The following CNTNAP3B variants were observed in gnomAD, a reference collection of about 807,000 sequenced individuals.
The protein encoded by CNTNAP3B is contactin associated protein family member 3B, also known as contactin-associated protein-like 3B.
CNTNAP3B carries 25 observed loss-of-function variants against 108.9 expected under a neutral mutation model. The observed-to-expected ratio is 0.23, with a 90% confidence interval of 0.17 to 0.32. The LOEUF is 0.32. Among genes scored for constraint, CNTNAP3B ranks in the 10% least tolerant of loss-of-function variants. The probability of loss-of-function intolerance (pLI) is 1.00; values close to 1 mark genes in which losing one functional copy is unlikely to be tolerated. For missense variants in CNTNAP3B, 252 were observed against 1,210.4 expected, an observed-to-expected ratio of 0.21 and a Z score of 11.75; for synonymous variants, 103 against 473.4, an observed-to-expected ratio of 0.22 and a Z score of 10.16.
intron 3 of CNTNAP3B, among the ~76,000 whole-genome samples, 171 bp downstream of exon 3, chr9:42,076,698 T>G (rs1827498892): frequency 8.5e-6 from 1 of 117,124 alleles, no homozygotes; most frequent in South Asian, 2.9e-4. Flanking sequence ...ATGATTTGTA[T>G]TATTTTTTAA....
intron 1 of CNTNAP3B, among the ~76,000 whole-genome samples, chr9:42,116,214 A>G: frequency 7.3e-6 from 1 of 137,496 alleles, no homozygotes; most frequent in Middle Eastern, 3.4e-3. Flanking sequence ...GAAATATGTG[A>G]CTGTGAAAAG....
intron 11 of CNTNAP3B, among the ~76,000 whole-genome samples, chr9:41,961,688 C>A (rs1285233476): frequency 1.3e-5 from 2 of 152,288 alleles, no homozygotes; most frequent in South Asian, 4.1e-4. Flanking sequence ...ATAATTAAAG[C>A]TGATTTAAAA....
intron 3 of CNTNAP3B, among the ~76,000 whole-genome samples, chr9:42,037,395 C>T (rs1325481053): frequency 3.9e-5 from 5 of 126,998 alleles, no homozygotes; most frequent in Non-Finnish European, 8.2e-5. Context: ...AAAGATTACA[C>T]GAATGGCTAA....
chr9:41,966,763 C>T (rs1472291361), intron 10 of CNTNAP3B, among the ~76,000 whole-genome samples: 6 of 151,970 alleles, frequency 3.9e-5, no homozygotes, highest in East Asian at 3.9e-4. Flanking sequence ...GTCAGGAGAT[C>T]GAGACCATCC....
Position 42,042,208 on chromosome 9 carries a change from T to C in CNTNAP3B, c.391-28683A>G, listed in dbSNP as rs1219648856. Among the ~76,000 whole-genome samples the C allele has an allele frequency of 2.9e-5, 3 of 105,172 alleles. 1 individual carries two copies. Among genetic ancestry groups the C allele is most frequent in the African/African-American group, 1.1e-4 (3 of 27,372 alleles). 69.0% of individuals were successfully genotyped at this position (105,172 alleles called of 152,430 possible). A position where few individuals can be genotyped will look rare whatever the true frequency, so the allele number is the denominator to read the frequency against. On this transcript the variant is annotated intron_variant, in intron 3 of 23. Coordinates refer to ENST00000377561, the MANE Select transcript of CNTNAP3B (RefSeq NM_001201380.3). ...TAACAAACCTGCTACGTTGTACACATGTACCCTAGAACTTGAAGTATATAT... is the reference window on the plus strand; with the variant it reads ...TAACAAACCTGCTACGTTGTACACACGTACCCTAGAACTTGAAGTATATAT...
intron 13 of CNTNAP3B, among the ~76,000 whole-genome samples, chr9:41,947,808 A>C (rs1320763760): frequency 1.3e-5 from 2 of 152,256 alleles, no homozygotes; most frequent in Non-Finnish European, 2.9e-5. Flanking sequence ...AAGATGAGAC[A>C]AACTATGAAT....
At chr9:41,933,497 G>A (rs1824043871) in intron 14 of CNTNAP3B, among the ~76,000 whole-genome samples, 1 of 152,252 alleles carries the variant, frequency 6.6e-6, no homozygotes, top group African/African-American at 2.4e-5. Flanking sequence ...TAAAAGTACT[G>A]CAGTTATTCC....
chr9:41,967,571 G>A (rs377415085), intron 10 of CNTNAP3B, among the ~76,000 whole-genome samples: 2,076 of 151,256 alleles, frequency 0.014, no homozygotes, highest in Non-Finnish European at 0.019. Flanking sequence ...ACAAAGAAAG[G>A]CTGATAGATG....
Position 42,114,923 on chromosome 9 carries a change from G to A in CNTNAP3B, c.86-10184C>T, listed in dbSNP as rs1399619684. On this transcript the variant is annotated intron_variant, in intron 1 of 23. Transcript: ENST00000377561. ...ACAAAAATTAGCTGGGCATGGTAGC[G>A]GGAACTTGCAATCCCAGCTACTCGG... Among the ~76,000 whole-genome samples the A allele has an allele frequency of 8.1e-5, 11 of 135,138 alleles. 2 individuals carry two copies. Among genetic ancestry groups the A allele is most frequent in the African/African-American group, 1.2e-4 (4 of 33,726 alleles). 88.7% of individuals were successfully genotyped at this position (135,138 alleles called of 152,430 possible).
intron 7 of CNTNAP3B, among the ~76,000 whole-genome samples, chr9:41,995,972 G>A (rs1379299366): frequency 4.1e-5 from 6 of 144,586 alleles, no homozygotes; most frequent in East Asian, 4.1e-4. Flanking sequence ...GGAGGCGTAA[G>A]CTGCAGTAAG....
At chr9:41,941,461 T>A (rs1423801599) in intron 13 of CNTNAP3B, among the ~76,000 whole-genome samples, 2 of 150,872 alleles carry the variant, frequency 1.3e-5, no homozygotes, top group African/African-American at 2.5e-5. Flanking sequence ...CATAATGATT[T>A]AAAAAAAAAT....
At chr9:42,124,066 T>G (rs1412236402) in intron 1 of CNTNAP3B, among the ~76,000 whole-genome samples, 1 of 137,572 alleles carries the variant, frequency 7.3e-6, no homozygotes, top group Non-Finnish European at 1.5e-5. Flanking sequence ...TTCTTGGTAA[T>G]TTAATTCTTA....
At chr9:41,952,959 T>C (rs1824737207) in intron 13 of CNTNAP3B, among the ~76,000 whole-genome samples, 1 of 152,190 alleles carries the variant, frequency 6.6e-6, no homozygotes, top group Non-Finnish European at 1.5e-5. Context: ...GACAAGTCAC[T>C]AGTCCTGCAT....
intron 3 of CNTNAP3B, among the ~76,000 whole-genome samples, chr9:42,061,323 T>TC (rs755114765): frequency 2.4e-5 from 3 of 124,964 alleles, no homozygotes; most frequent in African/African-American, 9.7e-5. Flanking sequence ...TTTTCTTTTT[T>TC]TTTTTTTTTT....
At chr9:41,936,863 A>G (rs1341194205) in intron 14 of CNTNAP3B, among the ~76,000 whole-genome samples, 1 of 152,420 alleles carries the variant, frequency 6.6e-6, no homozygotes, top group Non-Finnish European at 1.5e-5. Context: ...GAAGATTAAA[A>G]ATAATATCCA....
At chr9:41,939,919 T>C (rs1380411370) in intron 13 of CNTNAP3B, among the ~76,000 whole-genome samples, 1 of 151,822 alleles carries the variant, frequency 6.6e-6, no homozygotes, top group African/African-American at 2.4e-5. Context: ...AAGAGAATTC[T>C]GAAAAGTAGA....
At position 42,108,697 on chromosome 9, in the gene CNTNAP3B, G is replaced by A. The variant is rs1381468516; in HGVS notation, c.86-3958C>T. Among the ~76,000 whole-genome samples the A allele has an allele frequency of 1.4e-4, 19 of 132,436 alleles. No homozygotes were observed. The East Asian group carries it at 4.5e-3, about 31-fold the overall frequency. 86.9% of individuals were successfully genotyped at this position (132,436 alleles called of 152,430 possible). ...TTTTTGGCTTGCTGCACTTCCTTAGGCTTGTTGATTTAGTCTCGGTGATTA... is the reference window on the plus strand; with the variant it reads ...TTTTTGGCTTGCTGCACTTCCTTAGACTTGTTGATTTAGTCTCGGTGATTA... On this transcript the variant is annotated intron_variant, in intron 1 of 23. Coordinates refer to ENST00000377561, the MANE Select transcript of CNTNAP3B (RefSeq NM_001201380.3).
intron 13 of CNTNAP3B, among the ~76,000 whole-genome samples, chr9:41,938,610 TA>T (rs1263103033): frequency 3.1e-3 from 479 of 152,122 alleles, no homozygotes; most frequent in Middle Eastern, 6.8e-3. Flanking sequence ...TATCTAGGCT[TA>T]AATGATTCCA....
At chr9:41,934,995 C>T (rs1200720415) in intron 14 of CNTNAP3B, among the ~76,000 whole-genome samples, 1 of 152,170 alleles carries the variant, frequency 6.6e-6, no homozygotes, top group Non-Finnish European at 1.5e-5. Context: ...ATTAGCAAAA[C>T]AACTTGTGGA....
Sources: allele counts gnomAD v4.1 joint callset (sites outside exome capture counted in the v4.1 genomes callset), GRCh38; gene constraint gnomAD v4.1.1; transcripts MANE v1.5; gene names NCBI Gene and HGNC (gene_info 2026-07-23, HGNC 2026-07-21).